Variants in ZNF652 observed in about 807,000 individuals in gnomAD.
ZNF652 encodes zinc finger protein 652.
Under a neutral mutation model 45.2 loss-of-function variants are expected in ZNF652, and 16 were observed. That is an observed-to-expected ratio of 0.35 (90% CI 0.24 to 0.54). ZNF652 has a LOEUF of 0.54. ZNF652 is among the 20% of genes least tolerant of loss of function. ZNF652 has a pLI of 0.91. For synonymous variants in ZNF652, 250 were observed against 260.6 expected, an observed-to-expected ratio of 0.96 and a Z score of 0.39; for missense variants, 614 against 765.6, an observed-to-expected ratio of 0.80 and a Z score of 2.34.
intron 5 of ZNF652, among the ~76,000 whole-genome samples, chr17:49,299,828 A>G (rs1176346967): frequency 6.7e-6 from 1 of 149,210 alleles, no homozygotes; most frequent in Non-Finnish European, 1.5e-5. Flanking sequence ...TACAGGTGCC[A>G]GCTACCACGC....
intron 1 of ZNF652, among the ~76,000 whole-genome samples, chr17:49,331,211 T>A (rs1391905264): frequency 7.0e-6 from 1 of 143,250 alleles, no homozygotes; most frequent in Non-Finnish European, 1.5e-5. Flanking sequence ...AAGCTCTGCC[T>A]CCCAGGTTCA....
At chr17:49,327,090 A>G (rs1201471313) in intron 1 of ZNF652, among the ~76,000 whole-genome samples, 2 of 152,196 alleles carry the variant, frequency 1.3e-5, no homozygotes, top group African/African-American at 4.8e-5. Context: ...TTTACAAAAA[A>G]TGCATTTGGT....
intron 1 of ZNF652, among the ~76,000 whole-genome samples, chr17:49,358,403 G>A (rs2070359704): frequency 6.6e-6 from 1 of 152,170 alleles, no homozygotes; most frequent in Non-Finnish European, 1.5e-5. Flanking sequence ...TTCACAACAA[G>A]GAGGTGTAGT....
At chr17:49,356,040 AT>A (rs1464571548) in intron 1 of ZNF652, among the ~76,000 whole-genome samples, 1 of 152,154 alleles carries the variant, frequency 6.6e-6, no homozygotes, top group Non-Finnish European at 1.5e-5. Context: ...TTCTCTTAAT[AT>A]TGTGAAAATC....
chr17:49,360,703 T>C (rs1175284111), intron 1 of ZNF652, among the ~76,000 whole-genome samples: 1 of 152,056 alleles, frequency 6.6e-6, no homozygotes, highest in South Asian at 2.1e-4. Flanking sequence ...CAACAAAGCA[T>C]GTGCTAGTTG....
chr17:49,340,134 G>A lies in ZNF652; in HGVS notation c.-259+21775C>T, dbSNP rs115337935. The stretch of plus-strand genomic sequence containing the variant: ...TCTATTACAGAAATAACATTTTGGG[G>A]CCGGGTGCAGTGAATCACGCCTGTA... On this transcript the variant is annotated intron_variant, in intron 1 of 5. Coordinates refer to ENST00000430262, the MANE Select transcript of ZNF652 (RefSeq NM_001145365.3). 7.1e-3 allele frequency among the ~76,000 whole-genome samples: 1,078 copies of A among 152,296 alleles called. 16 individuals carry two copies. The highest frequency in any genetic ancestry group is 0.022 in the African/African-American group (931 of 41,550).
At chr17:49,299,656 C>T (rs1391099612) in intron 5 of ZNF652, among the ~76,000 whole-genome samples, 1 of 152,008 alleles carries the variant, frequency 6.6e-6, no homozygotes, top group Non-Finnish European at 1.5e-5. Flanking sequence ...GCTGGGATTA[C>T]AGGTGTGAGC....
chr17:49,351,066 T>C (rs1438288821), intron 1 of ZNF652, among the ~76,000 whole-genome samples: 1 of 147,114 alleles, frequency 6.8e-6, no homozygotes, highest in East Asian at 2.0e-4. Flanking sequence ...TATTTTTATA[T>C]AAATATTTAT....
intron 1 of ZNF652, among the ~76,000 whole-genome samples, chr17:49,350,431 C>T (rs559717585): frequency 3.3e-5 from 5 of 151,148 alleles, no homozygotes; most frequent in Admixed American, 6.6e-5. Context: ...CCCAGCTACT[C>T]GGGAGGCTGA....
At chr17:49,319,906 C>T (rs1382238879) in intron 1 of ZNF652, among the ~76,000 whole-genome samples, 3 of 152,098 alleles carry the variant, frequency 2.0e-5, no homozygotes, top group Non-Finnish European at 4.4e-5. Context: ...TTTAAAAATT[C>T]ATAGTCTTAC....
chr17:49,353,269 C>A (rs557966600), intron 1 of ZNF652, among the ~76,000 whole-genome samples: 1 of 152,114 alleles, frequency 6.6e-6, no homozygotes, highest in Non-Finnish European at 1.5e-5. Context: ...GCAGCCTCCA[C>A]GTCCTAGGCT....
intron 1 of ZNF652, among the ~76,000 whole-genome samples, chr17:49,320,033 T>C (rs375978697): frequency 6.6e-5 from 10 of 152,206 alleles, no homozygotes; most frequent in East Asian, 3.8e-4. Context: ...AATTTGATTA[T>C]GTTTCTGTTT....
In ZNF652 at chr17:49,298,263, T is replaced by C. The variant is rs908573243; in HGVS notation, c.*150A>G. ...AGCTCAAGGTAGTCTTCTTGTTCAT[T>C]CCCTTGGATCTGTTGATTCAGTGAC... On this transcript the variant is annotated 3_prime_UTR_variant, in exon 6 of 6. Coordinates refer to ENST00000430262, the MANE Select transcript of ZNF652 (RefSeq NM_001145365.3). 1.0e-5 allele frequency: 10 copies of C among 966,688 alleles called. No individual in the cohort carries two copies. Among genetic ancestry groups the C allele is most frequent in the Non-Finnish European group, 1.5e-5 (10 of 668,108 alleles). The allele number at this position is 966,688 out of a possible 1,614,324, so 59.9% of individuals were successfully genotyped here.
chr17:49,310,315 GATTTT>G (rs1481759418), intron 5 of ZNF652, among the ~76,000 whole-genome samples: 1 of 152,120 alleles, frequency 6.6e-6, no homozygotes, highest in African/African-American at 2.4e-5. Flanking sequence ...CCTGTGATTA[GATTTT>G]ATTTAGAAAC....
chr17:49,361,064 C>T (rs1406967959), intron 1 of ZNF652: 1 of 152,260 alleles, frequency 6.6e-6, no homozygotes, highest in African/African-American at 2.4e-5. Context: ...TGGCAAAAGC[C>T]ATTTCTGACA....
chr17:49,360,445 C>T (rs1382933661), intron 1 of ZNF652, among the ~76,000 whole-genome samples: 1 of 152,174 alleles, frequency 6.6e-6, no homozygotes, highest in Non-Finnish European at 1.5e-5. Flanking sequence ...TTACTAACCA[C>T]TGAAGTCAGT....
chr17:49,360,336 C>T (rs1032692189), intron 1 of ZNF652, among the ~76,000 whole-genome samples: 1 of 152,144 alleles, frequency 6.6e-6, no homozygotes, highest in African/African-American at 2.4e-5. Flanking sequence ...AACCTGAAGT[C>T]CCAGGACCAG....
intron 1 of ZNF652, among the ~76,000 whole-genome samples, chr17:49,358,541 A>AT (rs976548700): frequency 1.4e-4 from 22 of 152,142 alleles, no homozygotes; most frequent in Non-Finnish European, 2.5e-4. Flanking sequence ...GTATAGTCAC[A>AT]TTTTTTTGGT....
At chr17:49,356,849 A>G (rs1416542718) in intron 1 of ZNF652, among the ~76,000 whole-genome samples, 1 of 152,180 alleles carries the variant, frequency 6.6e-6, no homozygotes, top group Non-Finnish European at 1.5e-5. Flanking sequence ...ACTTATCACA[A>G]CGCTATCCTG....
Sources: allele counts gnomAD v4.1 joint callset (sites outside exome capture counted in the v4.1 genomes callset), GRCh38; gene constraint gnomAD v4.1.1; transcripts MANE v1.5; gene names NCBI Gene and HGNC (gene_info 2026-07-23, HGNC 2026-07-21).